The following TNS1 variants were observed in gnomAD, a reference collection of about 807,000 sequenced individuals.
The protein encoded by TNS1 is tensin-1.
In TNS1, 62 loss-of-function variants were observed where a neutral mutation model predicts 168.6. The observed-to-expected ratio is 0.37, with a 90% CI of 0.30 to 0.45. The LOEUF (loss-of-function observed/expected upper bound fraction) is 0.45. TNS1 is among the 20% of genes least tolerant of loss of function. The pLI, the probability that TNS1 is intolerant of heterozygous loss-of-function variation, is 1.00. For synonymous variants in TNS1, 934 were observed against 933.2 expected, an observed-to-expected ratio of 1.00 and a Z score of -0.02; for missense variants, 2,240 against 2,339.4, an observed-to-expected ratio of 0.96 and a Z score of 0.88.
At chr2:217,952,396 T>A (rs1283213973) in intron 3 of TNS1, among the ~76,000 whole-genome samples, 1 of 152,172 alleles carries the variant, frequency 6.6e-6, no homozygotes, top group Non-Finnish European at 1.5e-5. Flanking sequence ...TTAACCACTA[T>A]GTCATATTGC....
intron 1 of TNS1, among the ~76,000 whole-genome samples, chr2:218,026,966 C>T (rs931871682): frequency 1.3e-5 from 2 of 152,216 alleles, no homozygotes; most frequent in Non-Finnish European, 2.9e-5. Context: ...CTGGTGGGCT[C>T]AAGTTCTTGG....
intron 3 of TNS1, among the ~76,000 whole-genome samples, chr2:217,955,305 C>T (rs549662207): frequency 6.6e-6 from 1 of 152,226 alleles, no homozygotes; most frequent in Non-Finnish European, 1.5e-5. Flanking sequence ...CCCTTCTAGC[C>T]AGCTTCCCCC....
At chr2:217,926,922 G>A (rs1360095911) in intron 3 of TNS1, among the ~76,000 whole-genome samples, 2 of 152,226 alleles carry the variant, frequency 1.3e-5, no homozygotes, top group Non-Finnish European at 2.9e-5. Context: ...CAGTGGGACA[G>A]GGCCCATGCT....
intron 3 of TNS1, among the ~76,000 whole-genome samples, chr2:217,972,344 C>A (rs945149962): frequency 3.9e-5 from 6 of 152,220 alleles, no homozygotes; most frequent in Non-Finnish European, 7.3e-5. Flanking sequence ...CCATGAACCT[C>A]CTCCCACTCA....
chr2:217,917,407 G>A (rs1221043297), intron 4 of TNS1, among the ~76,000 whole-genome samples: 1 of 152,178 alleles, frequency 6.6e-6, no homozygotes, highest in Non-Finnish European at 1.5e-5. Context: ...GCTGGCATGG[G>A]CAAAACCCCT....
upstream of TNS1, among the ~76,000 whole-genome samples, chr2:218,014,870 CGGAA>C (rs56964991): frequency 0.049 from 4,814 of 97,776 alleles, 112 homozygotes; most frequent in Admixed American, 0.076. Flanking sequence ...GAAGGAAGGA[CGGAA>C]GGAAGGAAGG....
chr2:218,023,725 G>A (rs1006372153), intron 1 of TNS1, among the ~76,000 whole-genome samples: 3 of 152,278 alleles, frequency 2.0e-5, no homozygotes, highest in South Asian at 2.1e-4. Flanking sequence ...AGTATCAGTC[G>A]GTGGCAGAGC....
At chr2:218,008,424 G>T (rs542700323) in intron 1 of TNS1, among the ~76,000 whole-genome samples, 1 of 152,238 alleles carries the variant, frequency 6.6e-6, no homozygotes, top group Non-Finnish European at 1.5e-5. Context: ...AGCAGTCTGG[G>T]GTCCAACTGA....
chr2:217,861,233 T>G (rs1224591364), intron 18 of TNS1, among the ~76,000 whole-genome samples: 1 of 152,168 alleles, frequency 6.6e-6, no homozygotes, highest in African/African-American at 2.4e-5. Context: ...GGCCTTACAG[T>G]GCCCGATGGA....
chr2:218,031,768 A>C (rs17600582), intron 1 of TNS1, among the ~76,000 whole-genome samples: 29,445 of 152,150 alleles, frequency 0.19, 3,199 homozygotes, highest in East Asian at 0.35. Flanking sequence ...AGAACTTCCA[A>C]AAGGGTTGCA....
chr2:217,935,459 C>T (rs1055894889), intron 3 of TNS1, among the ~76,000 whole-genome samples: 4 of 152,182 alleles, frequency 2.6e-5, no homozygotes, highest in East Asian at 1.9e-4. Context: ...CACCCTGGCT[C>T]GCCTCTGCTC....
rs756330338 is a variant in TNS1, at chr2:217,848,010, G to C, written c.2507C>G (p.Thr836Arg). 6.6e-7 allele frequency: 1 copy of C among 1,515,768 alleles called. No individual in the cohort carries two copies. Among genetic ancestry groups the C allele is most frequent in the Admixed American group, 2.2e-5 (1 of 46,094 alleles). The allele number at this position is 1,515,768 out of a possible 1,614,324, so 93.9% of individuals were successfully genotyped here. Residue 836 changes from threonine (T) to arginine (R), a missense_variant, in exon 19 of 33, where the codon ACA becomes AGA. Physicochemically the swap from Thr to Arg is moderately conservative, Grantham distance 71. Around this residue, in one of 2 missense-constraint regions of TNS1, gnomAD observed 2,131 missense variants for 2,171.2 expected, o/e 0.98. Transcript: ENST00000682258. ...CAGGTCCAGCATCAGCATATTGAGT[G>C]TTTCGATGGACTGTTCAATCTCCTG... is the stretch of plus-strand genomic sequence containing the variant. ...SQQEIEQSIE[T>R]LNMLMLDLEP...
chr2:217,806,339 A>G (rs1354540244), intron 32 of TNS1, among the ~76,000 whole-genome samples: 1 of 152,222 alleles, frequency 6.6e-6, no homozygotes, highest in African/African-American at 2.4e-5. Context: ...AATTTTGCAC[A>G]TGAGATCCCT....
chr2:217,937,598 G>A (rs1438102926), intron 3 of TNS1, among the ~76,000 whole-genome samples: 1 of 152,182 alleles, frequency 6.6e-6, no homozygotes, highest in Non-Finnish European at 1.5e-5. Flanking sequence ...TTGGGGGCAG[G>A]GCGGGGAGGG....
At chr2:217,859,479 T>C (rs1360996361) in intron 18 of TNS1, 4 of 638,238 alleles carry the variant, frequency 6.3e-6, no homozygotes, top group Non-Finnish European at 1.1e-5. Context: ...ACACAGGACC[T>C]GAATAGAAGG....
chr2:217,996,501 C>T (rs538787661), intron 1 of TNS1, among the ~76,000 whole-genome samples: 1 of 152,220 alleles, frequency 6.6e-6, no homozygotes, highest in South Asian at 2.1e-4. Flanking sequence ...ACACACAAAT[C>T]CCCCACCCCC....
chr2:217,893,661 C>A lies in TNS1; in HGVS notation c.595-100G>T. 4 of 1,470,740 alleles carry A rather than the reference C, an allele frequency of 2.7e-6. No homozygotes were observed. The South Asian group carries it at 5.6e-5, about 20-fold the overall frequency. 91.1% of individuals were successfully genotyped at this position (1,470,740 alleles called of 1,614,324 possible). On this transcript the variant is annotated intron_variant, in intron 9 of 32. Transcript: ENST00000682258. The stretch of plus-strand genomic sequence containing the variant: ...CCACGTGCCAGTACCTGGGCAGTGG[C>A]CCGCAGCTGCTGGTTCCTGCCAGGA...
chr2:217,853,122 C>T (rs1461695819), intron 18 of TNS1, among the ~76,000 whole-genome samples: 1 of 152,138 alleles, frequency 6.6e-6, no homozygotes, highest in Non-Finnish European at 1.5e-5. Context: ...TCCACCACGG[C>T]CACATTAGAG....
intron 1 of TNS1, among the ~76,000 whole-genome samples, chr2:218,023,638 C>G (rs572788553): frequency 1.3e-5 from 2 of 152,172 alleles, no homozygotes; most frequent in African/African-American, 4.8e-5. Context: ...CATACCTTAC[C>G]CACCTTAATG....
Sources: allele counts gnomAD v4.1 joint callset (sites outside exome capture counted in the v4.1 genomes callset), GRCh38; gene constraint gnomAD v4.1.1; regional missense constraint gnomAD v4.1.1; transcripts MANE v1.5; gene names NCBI Gene and HGNC (gene_info 2026-07-23, HGNC 2026-07-21).